The following CSMD1 variants were observed in gnomAD, a reference collection of about 807,000 sequenced individuals.
CSMD1 encodes CUB and Sushi multiple domains 1.
CSMD1 carries 213 observed loss-of-function variants against 417.5 expected under a neutral mutation model. That is an observed-to-expected ratio of 0.51 (90% confidence interval 0.46 to 0.57). The LOEUF (loss-of-function observed/expected upper bound fraction) is 0.57, where lower values mean the gene tolerates loss of function less well. Among genes scored for constraint, CSMD1 ranks in the 20% least tolerant of loss-of-function variants. The pLI is 0.00. For synonymous variants in CSMD1, 2,862 were observed against 1,736.8 expected, an observed-to-expected ratio of 1.65 and a Z score of -16.11; for missense variants, 6,923 against 4,529.7, an observed-to-expected ratio of 1.53 and a Z score of -15.17.
In CSMD1 at chr8:3,118,293, A is replaced by G. The variant is rs1816982449; in HGVS notation, c.6430+106T>C. 7.5e-6 allele frequency: 6 copies of G among 798,658 alleles called. 1 individual carries two copies. In the South Asian group the frequency reaches 7.7e-5, roughly 10 times the overall value. The allele number at this position is 798,658 out of a possible 1,614,324, so 49.5% of individuals were successfully genotyped here. ...AAAACATAATAGATTCTCAACGAATATTTATTGAATACATTAATAAATTAC... is the reference window on the plus strand; with the variant it reads ...AAAACATAATAGATTCTCAACGAATGTTTATTGAATACATTAATAAATTAC... On this transcript the variant is annotated intron_variant, in intron 42 of 69. Coordinates refer to ENST00000635120, the MANE Select transcript of CSMD1 (RefSeq NM_033225.6).
intron 1 of CSMD1, among the ~76,000 whole-genome samples, chr8:4,726,514 G>T (rs1031458435): frequency 2.0e-5 from 3 of 152,006 alleles, no homozygotes; most frequent in Admixed American, 6.6e-5. Context: ...CAATGGACAG[G>T]GCTTTAATGA....
At position 3,991,496 on chromosome 8, in the gene CSMD1, C is replaced by T. The variant is rs535712331; in HGVS notation, c.818+6407G>A. ...GATAATATCTATCATTATGTTATAC[C>T]CAGAAATATGCTCAACAAGCAAGTA... On this transcript the variant is annotated intron_variant, in intron 5 of 69. Coordinates refer to ENST00000635120, the MANE Select transcript of CSMD1 (RefSeq NM_033225.6). 3.9e-5 allele frequency among the ~76,000 whole-genome samples: 6 copies of T among 152,088 alleles called. No individual in the cohort carries two copies. In the East Asian group the frequency reaches 5.8e-4, roughly 15 times the overall value.
intron 2 of CSMD1, among the ~76,000 whole-genome samples, chr8:4,546,480 G>T (rs1797640387): frequency 6.6e-6 from 1 of 152,262 alleles, no homozygotes; most frequent in South Asian, 2.1e-4. Context: ...CCCATGGCAG[G>T]CCACAAAGAA....
At chr8:4,099,818 T>C (rs577277848) in intron 3 of CSMD1, among the ~76,000 whole-genome samples, 76 of 152,302 alleles carry the variant, frequency 5.0e-4, no homozygotes, top group Middle Eastern at 3.4e-3. Context: ...AAATCCCTGA[T>C]TGTATCCACA....
chr8:3,493,646 T>G lies in CSMD1; in HGVS notation c.1425A>C (p.Gly475=), dbSNP rs536797965. ...TLTVGDAGKV[G]DTRSVLYVLT... ...ACACGTACAAGACCGATCTGGTGTC[T>G]CCCACCTTCCCAGCATCACCAACCG... The change falls in exon 11 of 70, where the codon GGA becomes GGC. Residue 475 remains glycine, a synonymous_variant. Coordinates refer to ENST00000635120, the MANE Select transcript of CSMD1 (RefSeq NM_033225.6). 6 of 1,611,444 alleles carry G rather than the reference T, an allele frequency of 3.7e-6. No individual in the cohort carries two copies. The highest frequency in any genetic ancestry group is 2.7e-5 in the African/African-American group (2 of 74,996).
At chr8:3,961,034 A>T (rs1812290389) in intron 5 of CSMD1, among the ~76,000 whole-genome samples, 1 of 152,088 alleles carries the variant, frequency 6.6e-6, no homozygotes, top group African/African-American at 2.4e-5. Context: ...CATTTTAAAA[A>T]AGAGGAAAAG....
At chr8:4,397,944 A>G (rs1449371839) in intron 3 of CSMD1, among the ~76,000 whole-genome samples, 1 of 152,220 alleles carries the variant, frequency 6.6e-6, no homozygotes, top group African/African-American at 2.4e-5. Context: ...AGAGTAGGAA[A>G]AAATGGGTTG....
rs564998883 is a variant in CSMD1 at position 4,025,135 on chromosome 8, A to T, written c.610+6770T>A. ...CGAAGGGGCTGCAAGAGATGTTGAG[A>T]CTGTAATTTTCCATGGATGTGAGCT... On this transcript the variant is annotated intron_variant, in intron 4 of 69. Coordinates refer to ENST00000635120, the MANE Select transcript of CSMD1 (RefSeq NM_033225.6). Among the ~76,000 whole-genome samples, 285 of 152,306 alleles carry T rather than the reference A, an allele frequency of 1.9e-3. 1 individual carries two copies. The highest frequency in any genetic ancestry group is 6.6e-3 in the African/African-American group (274 of 41,578).
chr8:4,629,759 T>A (rs1802395885), intron 2 of CSMD1, among the ~76,000 whole-genome samples: 1 of 152,188 alleles, frequency 6.6e-6, no homozygotes, highest in Non-Finnish European at 1.5e-5. Flanking sequence ...TACTATTGTA[T>A]AAAACAGTGT....
rs371941713 is a variant in CSMD1 at position 3,768,207 on chromosome 8, G to A, written c.819-14165C>T. Among the ~76,000 whole-genome samples, 66 of 152,276 alleles carry A rather than the reference G, an allele frequency of 4.3e-4. No individual in the cohort carries two copies. In the Middle Eastern group the frequency reaches 0.01, roughly 24 times the overall value. The stretch of plus-strand genomic sequence containing the variant: ...GGAATCTTTAGGAAGAGTGGTTCCT[G>A]GCATAGACAACCATACAGTGGCCAA... On this transcript the variant is annotated intron_variant, in intron 5 of 69. Coordinates refer to ENST00000635120, the MANE Select transcript of CSMD1 (RefSeq NM_033225.6).
At chr8:4,356,656 C>T (rs1801449078) in intron 3 of CSMD1, among the ~76,000 whole-genome samples, 1 of 152,128 alleles carries the variant, frequency 6.6e-6, no homozygotes, top group East Asian at 1.9e-4. Context: ...AGGTAGTTCA[C>T]ATACACCTGT....
chr8:3,342,176 C>G (rs556698679), intron 23 of CSMD1, among the ~76,000 whole-genome samples: 11 of 152,260 alleles, frequency 7.2e-5, no homozygotes, highest in Non-Finnish European at 1.3e-4. Flanking sequence ...ATTTCAGCCA[C>G]ACTTATTCTA....
intron 26 of CSMD1, among the ~76,000 whole-genome samples, chr8:3,283,135 A>C (rs1026527096): frequency 1.3e-5 from 2 of 152,202 alleles, no homozygotes; most frequent in Non-Finnish European, 2.9e-5. Flanking sequence ...CTAGTAATTC[A>C]GCAGAGGTTC....
chr8:4,681,489 G>T (rs984057602), intron 1 of CSMD1, among the ~76,000 whole-genome samples: 11 of 152,156 alleles, frequency 7.2e-5, no homozygotes, highest in African/African-American at 2.4e-4. Context: ...GAGCACAAAT[G>T]ATGTCTCAAT....
chr8:2,942,578 A>T lies in CSMD1; in HGVS notation c.10429T>A (p.Ser3477Thr), dbSNP rs746303001. 1.9e-5 allele frequency: 30 copies of T among 1,599,568 alleles called. No individual in the cohort carries two copies. The South Asian group carries it at 3.2e-4, about 17-fold the overall frequency. ...QDPLNPDQDS[S>T]SHYHGTSSGS... ...CTGCTGGTGCCGTGGTAATGACTGG[A>T]AGAGTCTTGATCTGGGTTTAAAGGA... The change falls in exon 69 of 70, where the codon TCC becomes ACC. Residue 3477 changes from serine to threonine, a missense_variant. Physicochemically the swap from Ser to Thr is moderately conservative, Grantham distance 58 (BLOSUM62 1). Transcript: ENST00000635120.
At chr8:4,542,809 C>T (rs1230571339) in intron 2 of CSMD1, among the ~76,000 whole-genome samples, 2 of 151,982 alleles carry the variant, frequency 1.3e-5, no homozygotes, top group Admixed American at 1.3e-4. Flanking sequence ...AGAAATATAA[C>T]ATGATTATAT....
chr8:3,791,970 C>G (rs922795783), intron 5 of CSMD1, among the ~76,000 whole-genome samples: 14 of 152,072 alleles, frequency 9.2e-5, no homozygotes, highest in African/African-American at 3.4e-4. Context: ...TCAGACACAT[C>G]ACTTCCTTGT....
At chr8:3,472,221 G>C (rs1226725119) in intron 11 of CSMD1, among the ~76,000 whole-genome samples, 1 of 151,980 alleles carries the variant, frequency 6.6e-6, no homozygotes, top group South Asian at 2.1e-4. Context: ...CAAGGTGCAA[G>C]GTATGAAATC....
chr8:3,796,366 TA>T (rs1800133985), intron 5 of CSMD1, among the ~76,000 whole-genome samples: 1 of 70,464 alleles, frequency 1.4e-5, no homozygotes, highest in Admixed American at 1.5e-4. Flanking sequence ...TAGATATAGA[TA>T]TCTATCATGT....
Sources: gnomAD v4.1 joint callset for allele counts (sites outside exome capture counted in the v4.1 genomes callset) on GRCh38, gnomAD v4.1.1 for gene constraint, MANE v1.5 for transcripts, NCBI Gene and HGNC (gene_info 2026-07-23, HGNC 2026-07-21) for gene names.